MAX: variants seen among roughly 807,000 people sequenced by gnomAD.
MAX encodes protein max.
Under a neutral mutation model 22.3 loss-of-function variants are expected in MAX, and 3 were observed. The ratio of observed to expected loss-of-function variants is 0.13; its 90% CI spans 0.06 to 0.35. The LOEUF is 0.35. Among genes scored for constraint, MAX ranks in the 10% least tolerant of loss-of-function variants. MAX has a pLI of 1.00. For synonymous variants in MAX, 72 were observed against 77.7 expected (o/e 0.93, Z 0.39); for missense variants, 119 against 209.4 (o/e 0.57, Z 2.66).
chr14:65,060,733 C>G (rs1002333342), intron 3 of MAX, among the ~76,000 whole-genome samples: 1 of 139,196 alleles, frequency 7.2e-6, no homozygotes, highest in Non-Finnish European at 1.6e-5. Flanking sequence ...ATTACCCAGG[C>G]GTGGTGGCTC....
At chr14:65,060,751 T>A (rs1414490451) in intron 3 of MAX, among the ~76,000 whole-genome samples, 2 of 147,654 alleles carry the variant, frequency 1.4e-5, no homozygotes, top group African/African-American at 5.1e-5. Flanking sequence ...CTCACACCTG[T>A]AATCCCAGCT....
chr14:65,071,308 AT>A (rs1229308663), downstream of MAX, among the ~76,000 whole-genome samples: 1 of 151,978 alleles, frequency 6.6e-6, no homozygotes, highest in Non-Finnish European at 1.5e-5. The surrounding 1 kb of genome is among the most constrained non-coding windows in gnomAD (Gnocchi z 4.2). Context: ...TGCTCGGCTA[AT>A]TTTTTTGTAT....
intron 3 of MAX, among the ~76,000 whole-genome samples, chr14:65,046,881 T>C (rs900802287): frequency 6.6e-6 from 1 of 152,176 alleles, no homozygotes; most frequent in African/African-American, 2.4e-5. Context: ...AATCTTTCTA[T>C]AGTTAATAGG....
chr14:65,026,098 C>T (rs1170283483), intron 3 of MAX, among the ~76,000 whole-genome samples: 3 of 152,136 alleles, frequency 2.0e-5, no homozygotes, highest in African/African-American at 7.2e-5. Flanking sequence ...GCAGCAGTAG[C>T]AAGGAAATAA....
chr14:65,024,096 C>A (rs1353510721), intron 3 of MAX, among the ~76,000 whole-genome samples: 2 of 147,946 alleles, frequency 1.4e-5, no homozygotes, highest in African/African-American at 4.9e-5. Context: ...AGGGACACTC[C>A]ATCTCCTAAA....
intron 3 of MAX, among the ~76,000 whole-genome samples, chr14:65,034,284 A>C (rs2062145515): frequency 6.6e-6 from 1 of 152,134 alleles, no homozygotes; most frequent in South Asian, 2.1e-4. Flanking sequence ...CATGAAATTC[A>C]CTTCATTTCT....
Position 65,023,208 on chromosome 14 carries a change from G to A in MAX, c.172-16924C>T, listed in dbSNP as rs892060849. Among the ~76,000 whole-genome samples, 1 of 152,136 alleles carries A rather than the reference G, an allele frequency of 6.6e-6. No homozygotes were observed. Among genetic ancestry groups the A allele is most frequent in the Non-Finnish European group, 1.5e-5 (1 of 68,034 alleles). On this transcript the variant is annotated intron_variant, in intron 3 of 3. Transcript: ENST00000341653. This position sits in a 1 kb window ranked among gnomAD's most constrained non-coding sequence, Gnocchi z 4.1. The stretch of plus-strand genomic sequence containing the variant: ...TGAGTAGCTGGGGCTAGAGGTGGGT[G>A]CCAACGTGCCTGGTTAATTTTTATA...
At chr14:65,083,906 C>A in intron 3 of MAX, 1 of 1,270,070 alleles carries the variant, frequency 7.9e-7, no homozygotes, top group Non-Finnish European at 1.0e-6. Flanking sequence ...TTTTGAAAAC[C>A]AAAACGAAAG....
intron 3 of MAX, among the ~76,000 whole-genome samples, chr14:65,055,361 A>G (rs1024221624): frequency 6.6e-6 from 1 of 152,150 alleles, no homozygotes; most frequent in African/African-American, 2.4e-5. Context: ...GCCCATGCAG[A>G]CTGTCATGAA....
intron 2 of MAX, among the ~76,000 whole-genome samples, chr14:65,100,445 T>G (rs113538037): frequency 0.058 from 8,835 of 152,128 alleles, 855 homozygotes; most frequent in African/African-American, 0.2. Flanking sequence ...TGAGACTCTG[T>G]CTCAAAAATA....
Sources: allele counts gnomAD v4.1 joint callset (sites outside exome capture counted in the v4.1 genomes callset), GRCh38; gene constraint gnomAD v4.1.1; non-coding constraint Gnocchi (gnomAD v3.1); transcripts MANE v1.5; gene names NCBI Gene and HGNC (gene_info 2026-07-23, HGNC 2026-07-21).